LINGO2: variants seen among roughly 807,000 people sequenced by gnomAD.
LINGO2 encodes the protein leucine rich repeat and Ig domain containing 2.
A neutral mutation model predicts 30.6 loss-of-function variants in LINGO2; 14 were observed. The ratio of observed to expected loss-of-function variants is 0.46; its 90% CI spans 0.30 to 0.72. LINGO2 has a LOEUF of 0.72. LINGO2 is among the 30% of genes least tolerant of loss of function. The probability of loss-of-function intolerance (pLI) is 0.07; values close to 1 mark genes in which losing one functional copy is unlikely to be tolerated. For missense variants in LINGO2, 729 were observed against 751.7 expected (o/e 0.97, Z 0.35); for synonymous variants, 317 against 288.5 (o/e 1.10, Z -1.00).
chr9:28,138,399 A>G (rs1435276292), intron 4 of LINGO2, among the ~76,000 whole-genome samples: 1 of 152,242 alleles, frequency 6.6e-6, no homozygotes, highest in Non-Finnish European at 1.5e-5. Flanking sequence ...TGCCTTCATA[A>G]GACAACAAGT....
At chr9:28,795,190 T>C in the LINGO2 span, among the ~76,000 whole-genome samples, 9 of 152,292 alleles carry the variant, frequency 5.9e-5, no homozygotes, top group Admixed American at 1.3e-4. Flanking sequence ...GCAAATAAGT[T>C]CATAAAGCAA....
At chr9:28,890,100 C>G in the LINGO2 span, among the ~76,000 whole-genome samples, 12 of 152,142 alleles carry the variant, frequency 7.9e-5, no homozygotes, top group African/African-American at 2.9e-4. Flanking sequence ...ACCATATGCC[C>G]TTGTAAGAGG....
chr9:29,190,067 G>A, the LINGO2 span, among the ~76,000 whole-genome samples: 3,492 of 144,664 alleles, frequency 0.024, 167 homozygotes, highest in African/African-American at 0.086. Context: ...GGGGGAGGGG[G>A]AGCTACATTT....
the LINGO2 span, among the ~76,000 whole-genome samples, chr9:28,758,651 A>T: frequency 0.042 from 6,407 of 152,092 alleles, 217 homozygotes; most frequent in Non-Finnish European, 0.065. Flanking sequence ...TCTGCTGTTC[A>T]CTCATCATCT....
At chr9:28,796,569 TTAAC>T in the LINGO2 span, among the ~76,000 whole-genome samples, 1 of 152,066 alleles carries the variant, frequency 6.6e-6, no homozygotes, top group African/African-American at 2.4e-5. Context: ...TTTTCATTGT[TTAAC>T]TGAAAATAGG....
chr9:28,929,875 GA>G, the LINGO2 span, among the ~76,000 whole-genome samples: 11 of 152,250 alleles, frequency 7.2e-5, no homozygotes, highest in African/African-American at 2.6e-4. Context: ...ATCTTGCTTG[GA>G]AAAAATTAAT....
At chr9:28,143,684 C>G (rs1350450012) in intron 4 of LINGO2, among the ~76,000 whole-genome samples, 1 of 151,124 alleles carries the variant, frequency 6.6e-6, no homozygotes, top group Non-Finnish European at 1.5e-5. Context: ...AGGTGTTTAA[C>G]ATAGAACAAA....
the LINGO2 span, among the ~76,000 whole-genome samples, chr9:28,864,915 A>T: frequency 7.9e-5 from 12 of 152,300 alleles, no homozygotes; most frequent in South Asian, 2.5e-3. Context: ...ACAAAGGAGA[A>T]AACAAGAATT....
At chr9:28,121,237 T>C (rs993587755) in intron 4 of LINGO2, among the ~76,000 whole-genome samples, 2 of 118,010 alleles carry the variant, frequency 1.7e-5, no homozygotes, top group African/African-American at 6.9e-5. Context: ...AGTGCAGAGG[T>C]TTTTTTTACT....
the LINGO2 span, among the ~76,000 whole-genome samples, chr9:29,193,110 T>C: frequency 6.6e-6 from 1 of 152,184 alleles, no homozygotes; most frequent in African/African-American, 2.4e-5. Flanking sequence ...TGGAGGAGGA[T>C]ATGAAACTAG....
rs57751993 is a variant in LINGO2 at position 28,431,029 on chromosome 9, T to TGAGAGAGAGAGAGAGA, written c.-279+44895_-279+44910dup. ...AACTTGCTTACTACAGCATGAGTGA[T>TGAGAGAGAGAGAGAGA]GAGAGAGAGAGAGAGAGAGAGAGAG... On this transcript the variant is annotated intron_variant, in intron 2 of 5. Coordinates refer to ENST00000379992, the Ensembl canonical transcript of LINGO2. Among the ~76,000 whole-genome samples the TGAGAGAGAGAGAGAGA allele has an allele frequency of 3.3e-3, 423 of 129,400 alleles. 10 individuals carry two copies. The highest frequency in any genetic ancestry group is 8.1e-3 in the Middle Eastern group (2 of 248). 84.9% of individuals were successfully genotyped at this position (129,400 alleles called of 152,430 possible). A position where few individuals can be genotyped will look rare whatever the true frequency, so the allele number is the denominator to read the frequency against.
the LINGO2 span, among the ~76,000 whole-genome samples, chr9:28,977,222 C>T: frequency 6.6e-6 from 1 of 151,932 alleles, no homozygotes; most frequent in African/African-American, 2.4e-5. Context: ...TAATGAAAGC[C>T]ATGTAATACA....
chr9:28,274,331 T>C (rs1448755535), intron 4 of LINGO2, among the ~76,000 whole-genome samples: 1 of 152,186 alleles, frequency 6.6e-6, no homozygotes, highest in Non-Finnish European at 1.5e-5. Flanking sequence ...GGTCCACTTA[T>C]GAGCACATAT....
At chr9:28,866,881 T>C in the LINGO2 span, among the ~76,000 whole-genome samples, 3 of 152,208 alleles carry the variant, frequency 2.0e-5, no homozygotes, top group Admixed American at 1.3e-4. Flanking sequence ...AACTTAGTTC[T>C]GATTCAAAAG....
chr9:28,361,252 C>T (rs906326986), intron 3 of LINGO2, among the ~76,000 whole-genome samples: 1 of 152,064 alleles, frequency 6.6e-6, no homozygotes, highest in African/African-American at 2.4e-5. Flanking sequence ...GATGGTATGT[C>T]ATTATAATTA....
chr9:28,581,369 A>C (rs773849479), intron 1 of LINGO2, among the ~76,000 whole-genome samples: 2 of 151,870 alleles, frequency 1.3e-5, no homozygotes, highest in Non-Finnish European at 2.9e-5. Context: ...GCAGTTACAC[A>C]ATGACTGACT....
At chr9:29,144,099 G>A in the LINGO2 span, among the ~76,000 whole-genome samples, 62 of 152,034 alleles carry the variant, frequency 4.1e-4, no homozygotes, top group Non-Finnish European at 6.2e-4. Flanking sequence ...TCTTACTTCC[G>A]GGCTCTTACT....
intron 5 of LINGO2, among the ~76,000 whole-genome samples, chr9:27,964,887 T>C (rs1820021507): frequency 6.6e-6 from 1 of 152,092 alleles, no homozygotes. Flanking sequence ...CTGTAACCTC[T>C]TCCAGGTGGC....
chr9:28,312,450 A>C (rs976384033), intron 3 of LINGO2, among the ~76,000 whole-genome samples: 1 of 152,134 alleles, frequency 6.6e-6, no homozygotes. Context: ...AATCACGAAA[A>C]TTTAACAAAA....
Sources: allele counts gnomAD v4.1 joint callset (sites outside exome capture counted in the v4.1 genomes callset), GRCh38; gene constraint gnomAD v4.1.1; transcripts MANE v1.5; gene names NCBI Gene and HGNC (gene_info 2026-07-23, HGNC 2026-07-21).